The following CMIP variants were observed in gnomAD, a reference collection of about 807,000 sequenced individuals.
CMIP encodes C-Maf-inducing protein.
Under a neutral mutation model 97.3 loss-of-function variants are expected in CMIP, and 13 were observed. That is an observed-to-expected ratio of 0.13 (90% CI 0.09 to 0.21). The LOEUF is 0.21. Ranked by LOEUF, CMIP falls within the 10% of genes least tolerant of loss-of-function variation. The probability of loss-of-function intolerance (pLI) is 1.00; values close to 1 mark genes in which losing one functional copy is unlikely to be tolerated. For missense variants in CMIP, 847 were observed against 1,024.9 expected, an observed-to-expected ratio of 0.83 and a Z score of 2.37; for synonymous variants, 538 against 436.3, an observed-to-expected ratio of 1.23 and a Z score of -2.91.
chr16:81,629,206 T>C (rs1319578378), intron 3 of CMIP, among the ~76,000 whole-genome samples: 6 of 146,990 alleles, frequency 4.1e-5, no homozygotes, highest in Non-Finnish European at 7.5e-5. Flanking sequence ...GGCCCCTGTT[T>C]CTCACGCAGA....
chr16:81,562,279 AG>A (rs1033566799), intron 1 of CMIP, among the ~76,000 whole-genome samples: 3 of 152,202 alleles, frequency 2.0e-5, no homozygotes, highest in African/African-American at 7.2e-5. Flanking sequence ...GGCTCCGCAG[AG>A]GTCCATGCCT....
chr16:81,614,622 A>G lies in CMIP; in HGVS notation c.427-6254A>G, dbSNP rs573577548. On this transcript the variant is annotated intron_variant, in intron 2 of 20. Transcript: ENST00000537098. The surrounding 1 kb of genome is among the most constrained non-coding windows in gnomAD (Gnocchi z 5.3). ...GTGGTCCATGGTAGATTCCAAAACT[A>G]CCTGCACAGTCCTGCGTGTGGGACT... is the stretch of plus-strand genomic sequence containing the variant. Among the ~76,000 whole-genome samples, 3 of 152,052 alleles carry G rather than the reference A, an allele frequency of 2.0e-5. No individual in the cohort carries two copies. The South Asian group carries it at 6.2e-4, about 32-fold the overall frequency.
intron 3 of CMIP, chr16:81,631,732 C>CTT (rs2092162437): frequency 6.6e-6 from 1 of 152,240 alleles, no homozygotes. Context: ...GTGGATAGGT[C>CTT]TTTCCAGTTT....
chr16:81,482,024 G>A (rs767153531), intron 1 of CMIP, among the ~76,000 whole-genome samples: 11 of 152,110 alleles, frequency 7.2e-5, no homozygotes, highest in Middle Eastern at 6.8e-3. Context: ...GATTATAGGT[G>A]TGCGCCACCA....
chr16:81,570,521 T>G (rs1238796976), intron 1 of CMIP, among the ~76,000 whole-genome samples: 1 of 152,064 alleles, frequency 6.6e-6, no homozygotes, highest in Non-Finnish European at 1.5e-5. Context: ...GGACCGCTAG[T>G]TTTGAAGAAG....
intron 1 of CMIP, chr16:81,603,467 C>T (rs1181763271): frequency 2.2e-6 from 1 of 454,388 alleles, no homozygotes; most frequent in African/African-American, 2.0e-5. Context: ...AGTTCTCACA[C>T]ATCCGCAGTC....
intron 1 of CMIP, among the ~76,000 whole-genome samples, chr16:81,568,212 T>C (rs966949258): frequency 6.6e-6 from 1 of 152,110 alleles, no homozygotes; most frequent in African/African-American, 2.4e-5. Context: ...TTCTGCCTTT[T>C]CATTGCAACT....
chr16:81,694,415 G>A (rs986625464), intron 13 of CMIP, among the ~76,000 whole-genome samples: 1 of 152,196 alleles, frequency 6.6e-6, no homozygotes, highest in Admixed American at 6.5e-5. Context: ...GGAGAAGGTG[G>A]TACTGAACTG....
chr16:81,709,596 C>CA, intron 20 of CMIP, 150 bp from the exon 21 acceptor site: 2 of 790,550 alleles, frequency 2.5e-6, no homozygotes, highest in East Asian at 5.4e-5. Flanking sequence ...TAAGGCCACC[C>CA]ACCCCTCCAA....
intron 2 of CMIP, among the ~76,000 whole-genome samples, chr16:81,608,322 G>A (rs780501558): frequency 3.3e-5 from 5 of 152,008 alleles, no homozygotes; most frequent in Non-Finnish European, 7.4e-5. Flanking sequence ...TGCTGGATCC[G>A]GGGGTCAGAT....
At chr16:81,603,275 G>T in intron 1 of CMIP, 1 of 398,042 alleles carries the variant, frequency 2.5e-6, no homozygotes, top group Admixed American at 2.9e-5. Flanking sequence ...TAGAGACGGG[G>T]TTTCACCATG....
At chr16:81,500,478 C>G (rs1383719021) in intron 1 of CMIP, among the ~76,000 whole-genome samples, 5 of 136,688 alleles carry the variant, frequency 3.7e-5, no homozygotes, top group African/African-American at 1.4e-4. Context: ...TTTCCTCCCC[C>G]TTTTCTTTCT....
intron 1 of CMIP, among the ~76,000 whole-genome samples, chr16:81,562,602 C>A (rs1158917839): frequency 6.6e-6 from 1 of 152,204 alleles, no homozygotes; most frequent in African/African-American, 2.4e-5. Flanking sequence ...TGCTTCCTAG[C>A]CACGCCCACG....
intron 1 of CMIP, among the ~76,000 whole-genome samples, chr16:81,525,071 C>T (rs1456185936): frequency 2.0e-5 from 3 of 152,120 alleles, no homozygotes; most frequent in Admixed American, 6.5e-5. Flanking sequence ...ACTGGGATTA[C>T]AGGCATGAGC....
chr16:81,599,558 C>T (rs2091622604), intron 1 of CMIP, among the ~76,000 whole-genome samples: 3 of 152,324 alleles, frequency 2.0e-5, no homozygotes, highest in South Asian at 2.1e-4. Context: ...GTGGCTTTGG[C>T]TGTGGTCCCA....
intron 1 of CMIP, chr16:81,476,301 A>C: frequency 1.3e-6 from 2 of 1,553,650 alleles, no homozygotes; most frequent in South Asian, 1.1e-5. Flanking sequence ...ACTTGCCACC[A>C]GTGCCATTAC....
At chr16:81,520,561 AGGAAGGGG>A (rs2150805269) in intron 1 of CMIP, 1 of 131,490 alleles carries the variant, frequency 7.6e-6, no homozygotes, top group Admixed American at 8.0e-5. Flanking sequence ...GGAGGGAGGG[AGGAAGGGG>A]GAGAGAGAGA....
intron 10 of CMIP, among the ~76,000 whole-genome samples, chr16:81,683,820 G>A (rs1905116800): frequency 8.3e-6 from 1 of 120,330 alleles, no homozygotes; most frequent in Non-Finnish European, 1.6e-5. Context: ...GCAGTGCAGT[G>A]ACGCGATCTC....
chr16:81,499,105 C>T (rs1341860162), intron 1 of CMIP, among the ~76,000 whole-genome samples: 1 of 152,086 alleles, frequency 6.6e-6, no homozygotes, highest in Non-Finnish European at 1.5e-5. Context: ...GAAGCTAGAT[C>T]GTGTGCTCAA....
Sources: allele counts gnomAD v4.1 joint callset (sites outside exome capture counted in the v4.1 genomes callset), GRCh38; gene constraint gnomAD v4.1.1; non-coding constraint Gnocchi (gnomAD v3.1); transcripts MANE v1.5; gene names NCBI Gene and HGNC (gene_info 2026-07-23, HGNC 2026-07-21).